NOX4: variants seen among roughly 807,000 people sequenced by gnomAD.
NOX4 encodes kidney oxidase-1.
Under a neutral mutation model 87.6 loss-of-function variants are expected in NOX4, and 69 were observed. That is an observed-to-expected ratio of 0.79 (90% confidence interval 0.65 to 0.96). The LOEUF is 0.96. Ranked by LOEUF, NOX4 falls within the 40% of genes least tolerant of loss-of-function variation. NOX4 has a pLI of 0.00. For missense variants in NOX4, 680 were observed against 681.5 expected, an observed-to-expected ratio of 1.00 and a Z score of 0.02; for synonymous variants, 275 against 238.2, an observed-to-expected ratio of 1.15 and a Z score of -1.42.
At chr11:89,491,635 G>A, upstream of NOX4, 1 of 246,882 alleles carries the variant, frequency 4.1e-6, no homozygotes, top group Non-Finnish European at 7.7e-6. Context: ...GTCCCCCGCA[G>A]CCTCTACCCA....
In NOX4 at chr11:89,387,760, T is replaced by C. The variant is rs931458868; in HGVS notation, c.1074+12257A>G. ...AGGAAGCACTAGGTTTCTTGCTCTC[T>C]TACGTTAGGGCTTTTTCCAATCATC... On this transcript the variant is annotated intron_variant, in intron 11 of 17. Coordinates refer to ENST00000263317, the MANE Select transcript of NOX4 (RefSeq NM_016931.5). 1.1e-4 allele frequency among the ~76,000 whole-genome samples: 17 copies of C among 152,294 alleles called. No individual in the cohort carries two copies. In the East Asian group the frequency reaches 3.1e-3, roughly 28 times the overall value.
intron 4 of NOX4, among the ~76,000 whole-genome samples, 179 bp from the exon 5 acceptor site, chr11:89,444,411 T>A (rs1483264530): frequency 2.0e-5 from 3 of 151,652 alleles, no homozygotes; most frequent in Admixed American, 2.0e-4. Flanking sequence ...ATAGACAGTT[T>A]ACCAAATTTT....
the NOX4 span, among the ~76,000 whole-genome samples, chr11:89,515,333 C>T: frequency 6.6e-6 from 1 of 151,786 alleles, no homozygotes; most frequent in Non-Finnish European, 1.5e-5. Context: ...ACATCTTTTT[C>T]ATATGTTTAT....
At chr11:89,570,012 A>G in the NOX4 span, among the ~76,000 whole-genome samples, 2 of 152,004 alleles carry the variant, frequency 1.3e-5, no homozygotes, top group Non-Finnish European at 2.9e-5. Context: ...AAAAAAAAAA[A>G]AAAAAGAAAA....
At chr11:89,515,334 A>G in the NOX4 span, among the ~76,000 whole-genome samples, 1 of 151,760 alleles carries the variant, frequency 6.6e-6, no homozygotes, top group African/African-American at 2.4e-5. Context: ...CATCTTTTTC[A>G]TATGTTTATG....
chr11:89,575,010 C>A, the NOX4 span, among the ~76,000 whole-genome samples: 3 of 152,078 alleles, frequency 2.0e-5, no homozygotes, highest in African/African-American at 7.2e-5. Context: ...TGGTAAAACC[C>A]CGTCTCTACT....
At chr11:89,426,498 C>T (rs1202247821) in intron 7 of NOX4, among the ~76,000 whole-genome samples, 2 of 151,996 alleles carry the variant, frequency 1.3e-5, no homozygotes, top group Non-Finnish European at 1.5e-5. Flanking sequence ...ACAGATGGCA[C>T]CTGGAAAATT....
chr11:89,472,425 AT>A (rs539383316), intron 2 of NOX4, among the ~76,000 whole-genome samples: 194 of 151,498 alleles, frequency 1.3e-3, no homozygotes, highest in African/African-American at 4.5e-3. Flanking sequence ...AAAAGGTGTA[AT>A]TTTTTTTTCA....
chr11:89,575,850 T>A, the NOX4 span, among the ~76,000 whole-genome samples: 1 of 152,330 alleles, frequency 6.6e-6, no homozygotes, highest in African/African-American at 2.4e-5. Context: ...TAGATACTTA[T>A]TCAAATTCAA....
At chr11:89,559,035 T>G in the NOX4 span, among the ~76,000 whole-genome samples, 1 of 152,088 alleles carries the variant, frequency 6.6e-6, no homozygotes, top group African/African-American at 2.4e-5. Flanking sequence ...TCACCAAACT[T>G]AACATACTAT....
intron 5 of NOX4, among the ~76,000 whole-genome samples, chr11:89,442,952 G>A (rs1944519694): frequency 6.6e-6 from 1 of 152,132 alleles, no homozygotes; most frequent in African/African-American, 2.4e-5. Context: ...AGGGCAGCAG[G>A]AGAAAGGGAA....
chr11:89,497,341 CCA>C (rs1477693828), intron 1 of NOX4, among the ~76,000 whole-genome samples: 1 of 152,166 alleles, frequency 6.6e-6, no homozygotes, highest in African/African-American at 2.4e-5. Flanking sequence ...ATACCCGAAT[CCA>C]TGTTTTCTGG....
chr11:89,533,286 C>A, the NOX4 span, among the ~76,000 whole-genome samples: 1 of 151,934 alleles, frequency 6.6e-6, no homozygotes, highest in Non-Finnish European at 1.5e-5. Context: ...TTTATATATT[C>A]TTCCTTTATA....
At chr11:89,359,633 A>G (rs1591017070) in intron 12 of NOX4, among the ~76,000 whole-genome samples, 1 of 152,230 alleles carries the variant, frequency 6.6e-6, no homozygotes, top group Middle Eastern at 3.4e-3. Context: ...TCACATAATT[A>G]GTTTTTTTAA....
chr11:89,402,140 T>C (rs1366591583), intron 9 of NOX4, among the ~76,000 whole-genome samples, 186 bp downstream of exon 9: 1 of 152,106 alleles, frequency 6.6e-6, no homozygotes, highest in Non-Finnish European at 1.5e-5. Flanking sequence ...TCCTCTAATA[T>C]CATAGACCTT....
intron 11 of NOX4, among the ~76,000 whole-genome samples, chr11:89,385,204 T>C (rs1291438310): frequency 6.6e-6 from 1 of 152,154 alleles, no homozygotes; most frequent in Admixed American, 6.6e-5. Context: ...AGAAATAAGT[T>C]TCCTCACTAT....
At chr11:89,581,694 A>T in the NOX4 span, among the ~76,000 whole-genome samples, 1 of 152,124 alleles carries the variant, frequency 6.6e-6, no homozygotes. Context: ...TTTTTTAAAA[A>T]ATACCCACAT....
At chr11:89,456,118 T>C (rs1006159572) in intron 2 of NOX4, among the ~76,000 whole-genome samples, 2 of 152,168 alleles carry the variant, frequency 1.3e-5, no homozygotes, top group Non-Finnish European at 2.9e-5. Flanking sequence ...GTTGAGGTGA[T>C]AGATATCCCA....
Position 89,478,203 on chromosome 11 carries a change from C to CA in NOX4, c.153+12254dup, listed in dbSNP as rs398115611. ...CTCTTTCCCTGCCCCTGTCCCCTGA[C>CA]AAAAAAAAATCTTATAAGCGATATA... On this transcript the variant is annotated intron_variant, in intron 2 of 17. Coordinates refer to ENST00000263317, the MANE Select transcript of NOX4 (RefSeq NM_016931.5). 3.2e-4 allele frequency among the ~76,000 whole-genome samples: 37 copies of CA among 116,186 alleles called. 1 individual carries two copies. Among genetic ancestry groups the CA allele is most frequent in the African/African-American group, 8.9e-4 (27 of 30,458 alleles). The allele number at this position is 116,186 out of a possible 152,430, so 76.2% of individuals were successfully genotyped here.
Sources: allele counts gnomAD v4.1 joint callset (sites outside exome capture counted in the v4.1 genomes callset), GRCh38; gene constraint gnomAD v4.1.1; transcripts MANE v1.5; gene names NCBI Gene and HGNC (gene_info 2026-07-23, HGNC 2026-07-21).